The following STX18 variants were observed in gnomAD, a reference collection of about 807,000 sequenced individuals.
STX18 encodes syntaxin-18.
In STX18, 40 loss-of-function variants were observed where a neutral mutation model predicts 50.1. The ratio of observed to expected loss-of-function variants is 0.80; its 90% CI spans 0.62 to 1.04. The LOEUF is 1.04. STX18 is among the 50% of genes least tolerant of loss of function. The pLI is 0.00. For missense variants in STX18, 410 were observed against 415.8 expected (o/e 0.99, Z 0.12); for synonymous variants, 158 against 151.8 (o/e 1.04, Z -0.30).
rs2108765355 is a variant in STX18 at position 4,420,271 on chromosome 4, G to T, written c.913-142C>A. 1.6e-6 allele frequency: 1 copy of T among 636,490 alleles called. No individual in the cohort carries two copies. The highest frequency in any genetic ancestry group is 2.7e-6 in the Non-Finnish European group (1 of 363,738). 39.4% of individuals were successfully genotyped at this position (636,490 alleles called of 1,614,324 possible). ...GTTCCATCTGTGCTTACCTTGAATAGATGGCTTTTGAGATCCACCAGAAGA... is the reference window on the plus strand; with the variant it reads ...GTTCCATCTGTGCTTACCTTGAATATATGGCTTTTGAGATCCACCAGAAGA... On this transcript the variant is annotated intron_variant, in intron 10 of 10. Coordinates refer to ENST00000306200, the MANE Select transcript of STX18 (RefSeq NM_016930.4). The surrounding 1 kb of genome is among the most constrained non-coding windows in gnomAD (Gnocchi z 4.3).
chr4:4,527,252 A>G (rs1456962791), intron 1 of STX18, among the ~76,000 whole-genome samples: 1 of 152,228 alleles, frequency 6.6e-6, no homozygotes, highest in African/African-American at 2.4e-5. Flanking sequence ...ATCAAACTAC[A>G]TATTTTGCAA....
At chr4:4,528,396 C>G (rs1730906729) in intron 1 of STX18, among the ~76,000 whole-genome samples, 1 of 152,076 alleles carries the variant, frequency 6.6e-6, no homozygotes. Flanking sequence ...ACAAGATCTG[C>G]TTGTTTAAAA....
chr4:4,442,916 A>G (rs1201086193), intron 5 of STX18, among the ~76,000 whole-genome samples: 1 of 152,192 alleles, frequency 6.6e-6, no homozygotes, highest in African/African-American at 2.4e-5. Context: ...GCTTTTAAAC[A>G]CATGAAAAAT....
At chr4:4,522,949 T>C (rs968891084) in intron 1 of STX18, among the ~76,000 whole-genome samples, 1 of 152,204 alleles carries the variant, frequency 6.6e-6, no homozygotes, top group Non-Finnish European at 1.5e-5. Context: ...TACAAACACA[T>C]GTGTTTACTG....
At position 4,420,750 on chromosome 4, in the gene STX18, C is replaced by G. The variant is rs946281338; in HGVS notation, c.912+114G>C. The G allele has an allele frequency of 1.1e-6, 1 of 937,038 alleles. No individual in the cohort carries two copies. The highest frequency in any genetic ancestry group is 1.6e-5 in the African/African-American group (1 of 61,516). The allele number at this position is 937,038 out of a possible 1,614,324, so 58.0% of individuals were successfully genotyped here. On this transcript the variant is annotated intron_variant, in intron 10 of 10. Transcript: ENST00000306200. The surrounding 1 kb of genome is among the most constrained non-coding windows in gnomAD (Gnocchi z 4.3). ...GCGGTCACACAATTTTGTGATCAGC[C>G]CCGTGAGCTCTGCCCAGCAAGGCTC...
intron 1 of STX18, among the ~76,000 whole-genome samples, chr4:4,533,472 C>G (rs960507007): frequency 1.3e-5 from 2 of 152,176 alleles, no homozygotes; most frequent in African/African-American, 4.8e-5. Flanking sequence ...TAAATGAGAT[C>G]GGGCACATAA....
chr4:4,426,560 T>A (rs1725250359), intron 7 of STX18: 1 of 151,914 alleles, frequency 6.6e-6, no homozygotes, highest in Non-Finnish European at 1.5e-5. Flanking sequence ...AGTTGCAGGG[T>A]CTCCCCAGCA....
chr4:4,444,290 C>T (rs982351455), intron 5 of STX18, among the ~76,000 whole-genome samples: 6 of 152,176 alleles, frequency 3.9e-5, no homozygotes, highest in African/African-American at 9.7e-5. Flanking sequence ...TTTGTTGGCT[C>T]GGGGTCTCTT....
intron 3 of STX18, among the ~76,000 whole-genome samples, chr4:4,458,613 C>T (rs558302322): frequency 4.6e-5 from 7 of 152,286 alleles, no homozygotes; most frequent in East Asian, 1.9e-4. Flanking sequence ...AAGAAAGAGG[C>T]GTGACTTGGG....
intron 2 of STX18, among the ~76,000 whole-genome samples, chr4:4,468,938 A>C (rs6818595): frequency 0.35 from 53,481 of 152,078 alleles, 13,043 homozygotes; most frequent in African/African-American, 0.7. Context: ...TGGAATATTA[A>C]AAATAATAAA....
chr4:4,429,401 T>C (rs1725412768), intron 7 of STX18, among the ~76,000 whole-genome samples: 2 of 152,200 alleles, frequency 1.3e-5, no homozygotes, highest in Admixed American at 1.3e-4. Context: ...TCTAATCCTC[T>C]TTACTATAAT....
chr4:4,540,099 C>T (rs1365377207), intron 1 of STX18, among the ~76,000 whole-genome samples: 3 of 152,162 alleles, frequency 2.0e-5, no homozygotes, highest in Non-Finnish European at 4.4e-5. Flanking sequence ...ACCTAGGAAG[C>T]TCCCACTTTA....
At chr4:4,458,832 C>T (rs1333357461) in intron 3 of STX18, among the ~76,000 whole-genome samples, 3 of 152,112 alleles carry the variant, frequency 2.0e-5, no homozygotes, top group African/African-American at 7.2e-5. Context: ...CTATATGGCT[C>T]GGACGGGTGG....
At chr4:4,533,152 A>C (rs1209285987) in intron 1 of STX18, among the ~76,000 whole-genome samples, 1 of 152,236 alleles carries the variant, frequency 6.6e-6, no homozygotes, top group East Asian at 1.9e-4. Flanking sequence ...GGTTCATTCA[A>C]TATATCATAC....
In STX18 at chr4:4,540,940, T is replaced by A. The variant is rs184402351; in HGVS notation, c.168+857A>T. Among the ~76,000 whole-genome samples, 5 of 152,308 alleles carry A rather than the reference T, an allele frequency of 3.3e-5. No homozygotes were observed. In the East Asian group the frequency reaches 7.7e-4, roughly 23 times the overall value. On this transcript the variant is annotated intron_variant, in intron 1 of 10. Coordinates refer to ENST00000306200, the MANE Select transcript of STX18 (RefSeq NM_016930.4). ...ATCTTCCAAAGCTCTGAATCTTTCT[T>A]GGTGATTTTTATTTCTTGAAGAGGG...
At chr4:4,537,583 C>A (rs1731400671) in intron 1 of STX18, among the ~76,000 whole-genome samples, 1 of 152,090 alleles carries the variant, frequency 6.6e-6, no homozygotes, top group African/African-American at 2.4e-5. Flanking sequence ...AAGCTCTATC[C>A]CTGAATTTTC....
At chr4:4,514,994 A>T (rs1054945904) in intron 1 of STX18, among the ~76,000 whole-genome samples, 3 of 152,170 alleles carry the variant, frequency 2.0e-5, no homozygotes, top group Non-Finnish European at 4.4e-5. Context: ...TCCAAGTTTC[A>T]CAAGTAAATG....
chr4:4,471,602 C>T (rs1727922517), intron 2 of STX18, 37 bp downstream of exon 2: 4 of 1,398,946 alleles, frequency 2.9e-6, no homozygotes, highest in Admixed American at 2.5e-5. Flanking sequence ...GAAAAGAACA[C>T]AGTCACCAAA....
intron 7 of STX18, among the ~76,000 whole-genome samples, chr4:4,427,170 C>T (rs565513849): frequency 6.6e-6 from 1 of 152,166 alleles, no homozygotes; most frequent in Non-Finnish European, 1.5e-5. Flanking sequence ...CACCAGTTCT[C>T]GGCCCCGGCT....
Sources: gnomAD v4.1 joint callset for allele counts (sites outside exome capture counted in the v4.1 genomes callset) on GRCh38, gnomAD v4.1.1 for gene constraint, Gnocchi (gnomAD v3.1) non-coding constraint, MANE v1.5 for transcripts, NCBI Gene and HGNC (gene_info 2026-07-23, HGNC 2026-07-21) for gene names.